The following CFAP54 variants were observed in gnomAD, a reference collection of about 807,000 sequenced individuals.
CFAP54 encodes the protein cilia and flagella associated protein 54, also known as cilia- and flagella-associated protein 54.
Under a neutral mutation model 370.4 loss-of-function variants are expected in CFAP54, and 290 were observed. The observed-to-expected ratio is 0.78, with a 90% CI of 0.71 to 0.86. The LOEUF (loss-of-function observed/expected upper bound fraction) is 0.86. Among genes scored for constraint, CFAP54 ranks in the 40% least tolerant of loss-of-function variants. The probability of loss-of-function intolerance (pLI) is 0.00; values close to 1 mark genes in which losing one functional copy is unlikely to be tolerated. For missense variants in CFAP54, 3,399 were observed against 3,528.7 expected, an observed-to-expected ratio of 0.96 and a Z score of 0.93; for synonymous variants, 1,206 against 1,236.5, an observed-to-expected ratio of 0.98 and a Z score of 0.52.
At chr12:96,859,418 TTTG>T (rs1959807986) in intron 66 of CFAP54, among the ~76,000 whole-genome samples, 2 of 151,806 alleles carry the variant, frequency 1.3e-5, no homozygotes, top group African/African-American at 2.4e-5. Context: ...TGTTTTGTTT[TTTG>T]TTTTTTTTTT....
Position 96,829,000 on chromosome 12 carries a change from C to T in CFAP54, c.9097-14C>T. 7.1e-7 allele frequency: 1 copy of T among 1,414,382 alleles called. No individual in the cohort carries two copies. The highest frequency in any genetic ancestry group is 2.0e-5 in the Admixed American group (1 of 49,278). The allele number at this position is 1,414,382 out of a possible 1,614,324, so 87.6% of individuals were successfully genotyped here. On this transcript the variant is annotated splice_polypyrimidine_tract_variant and intron_variant, in intron 65 of 67. Coordinates refer to ENST00000524981, the MANE Select transcript of CFAP54 (RefSeq NM_001306084.2). ...AATATCAACCTCACTGTATTACTAT[C>T]TTCTTATTTCTAGGACATGATTATT... is the stretch of plus-strand genomic sequence containing the variant.
chr12:96,867,378 C>A (rs1252417036), intron 67 of CFAP54, among the ~76,000 whole-genome samples: 1 of 152,170 alleles, frequency 6.6e-6, no homozygotes, highest in Non-Finnish European at 1.5e-5. Context: ...AAGCTCACAT[C>A]TGATCCAGCG....
chr12:96,744,100 C>T lies in CFAP54; in HGVS notation c.7638C>T (p.Ile2546=). The change falls in exon 55 of 68, where the codon ATC becomes ATT. Residue 2546 remains isoleucine (I), a synonymous_variant. Coordinates refer to ENST00000524981, the MANE Select transcript of CFAP54 (RefSeq NM_001306084.2). ...YANPLQPLKN[I]YLPHVMLLAK... ...ATCCATTACAGCCTTTGAAAAATAT[C>T]TATCTTCCCCATGTCATGTTATTGG... 1 of 1,609,824 alleles carries T rather than the reference C, an allele frequency of 6.2e-7. No homozygotes were observed. Among genetic ancestry groups the T allele is most frequent in the Non-Finnish European group, 8.5e-7 (1 of 1,176,862 alleles).
chr12:96,617,272 C>T (rs530300723), intron 26 of CFAP54, among the ~76,000 whole-genome samples: 7 of 152,084 alleles, frequency 4.6e-5, no homozygotes, highest in Middle Eastern at 3.4e-3. Context: ...GCCTGGAGCT[C>T]GGGAGATGTG....
chr12:96,787,230 T>A (rs916291903), intron 62 of CFAP54, among the ~76,000 whole-genome samples: 1 of 152,214 alleles, frequency 6.6e-6, no homozygotes, highest in African/African-American at 2.4e-5. Flanking sequence ...ATAAGAAAAC[T>A]AGACTGATAG....
chr12:96,518,976 C>T lies in CFAP54; in HGVS notation c.847C>T (p.Pro283Ser), dbSNP rs1955271861. ...WASMCMESLV[P>S]LLSLRYLTWR... ...CAGCATGTGTATGGAGTCCTTGGTC[C>T]CGCTCCTGTCACTCAGGTACTTGAC... Residue 283 changes from proline (P) to serine (S), a missense_variant, in exon 6 of 68, where the codon CCG (proline) becomes TCG (serine). By Grantham distance (74) the Pro-to-Ser change is moderately conservative. Coordinates refer to ENST00000524981, the MANE Select transcript of CFAP54 (RefSeq NM_001306084.2). 2.0e-6 allele frequency: 3 copies of T among 1,536,010 alleles called. No individual in the cohort carries two copies. The highest frequency in any genetic ancestry group is 2.6e-6 in the Non-Finnish European group (3 of 1,146,878).
chr12:96,652,698 C>G (rs10860059), intron 36 of CFAP54, among the ~76,000 whole-genome samples: 38,334 of 152,036 alleles, frequency 0.25, 5,577 homozygotes, highest in East Asian at 0.49. Context: ...AAAGGGTAGA[C>G]ATTGTCTGAC....
chr12:96,657,842 C>A, intron 36 of CFAP54, 40 bp from the exon 37 acceptor site: 2 of 1,328,294 alleles, frequency 1.5e-6, no homozygotes, highest in East Asian at 2.5e-5. Context: ...GCAGTAAAAT[C>A]TGAAATTACA....
At chr12:96,664,793 A>ATCTATATCTATATCTATATCTATC in intron 39 of CFAP54, among the ~76,000 whole-genome samples, 2 of 26,176 alleles carry the variant, frequency 7.6e-5, no homozygotes, top group South Asian at 2.1e-3. Context: ...ATATATATAT[A>ATCTATATCTATATCTATATCTATC]TATATATATA....
chr12:96,867,985 A>G (rs1361344242), intron 67 of CFAP54, among the ~76,000 whole-genome samples: 7 of 152,212 alleles, frequency 4.6e-5, no homozygotes, highest in African/African-American at 1.7e-4. Flanking sequence ...CAATGTATAT[A>G]TATTTCAGAA....
Position 96,830,844 on chromosome 12 carries a change from ATT to A in CFAP54, c.9171+1766_9171+1767del, listed in dbSNP as rs36009754. On this transcript the variant is annotated intron_variant, in intron 66 of 67. Transcript: ENST00000524981. ...CAGGCAAGCGCCCCATACCTGGCTA[ATT>A]TTTTTTTTTAGTAGCGATAGGGTTT... 5.4e-5 allele frequency among the ~76,000 whole-genome samples: 8 copies of A among 146,904 alleles called. 1 individual carries two copies. In the East Asian group the frequency reaches 5.9e-4, roughly 11 times the overall value.
chr12:96,618,751 TTC>T (rs764904824), intron 26 of CFAP54, among the ~76,000 whole-genome samples: 2 of 152,216 alleles, frequency 1.3e-5, no homozygotes, highest in African/African-American at 2.4e-5. Context: ...TGGATGAATT[TTC>T]TCTCTTAGCA....
chr12:96,804,414 A>G (rs572633817), intron 63 of CFAP54, among the ~76,000 whole-genome samples: 2 of 152,318 alleles, frequency 1.3e-5, no homozygotes, highest in Admixed American at 6.5e-5. Context: ...TCTTAGTTTG[A>G]TAGATGAATT....
intron 60 of CFAP54, among the ~76,000 whole-genome samples, chr12:96,772,206 T>C (rs1958469678): frequency 6.6e-6 from 1 of 152,184 alleles, no homozygotes; most frequent in South Asian, 2.1e-4. Flanking sequence ...AAACAATCAA[T>C]TATTACCAGT....
chr12:96,626,881 G>A lies in CFAP54; in HGVS notation c.4045G>A (p.Glu1349Lys), dbSNP rs1252078401. ...FTQVMLKCMN[E>K]EKFHLMVEVT... ...ACAAGTTATGCTAAAATGCATGAAT[G>A]AGGAAAAATTTCATCTTATGGTAGA... Residue 1349 changes from glutamate (E) to lysine (K), a missense_variant, in exon 30 of 68, where the codon GAG (glutamate) becomes AAG (lysine). Around this residue, in one of 3 missense-constraint regions of CFAP54, gnomAD observed 2,796 missense variants for 2,869.7 expected, o/e 0.97. Transcript: ENST00000524981. The A allele has an allele frequency of 7.0e-7, 1 of 1,432,232 alleles. No individual in the cohort carries two copies. Among genetic ancestry groups the A allele is most frequent in the Non-Finnish European group, 9.2e-7 (1 of 1,085,334 alleles). The allele number at this position is 1,432,232 out of a possible 1,614,324, so 88.7% of individuals were successfully genotyped here. A position where few individuals can be genotyped will look rare whatever the true frequency, so the allele number is the denominator to read the frequency against.
chr12:96,728,623 A>T (rs1289309053), intron 50 of CFAP54, among the ~76,000 whole-genome samples: 2 of 151,724 alleles, frequency 1.3e-5, no homozygotes, highest in Non-Finnish European at 2.9e-5. Context: ...TTGGTTTGAA[A>T]TTCCTCCTGT....
intron 5 of CFAP54, among the ~76,000 whole-genome samples, chr12:96,513,747 GA>G (rs928105276): frequency 6.7e-6 from 1 of 148,844 alleles, no homozygotes; most frequent in Non-Finnish European, 1.5e-5. Flanking sequence ...TGTCTCAAAT[GA>G]AAAAAAAATA....
chr12:96,800,764 G>A (rs1033991252), intron 63 of CFAP54, among the ~76,000 whole-genome samples: 2 of 152,178 alleles, frequency 1.3e-5, no homozygotes, highest in African/African-American at 4.8e-5. Context: ...AACTCACTAT[G>A]TTCAAAGCAC....
At chr12:96,862,224 G>GC (rs1328702927) in intron 67 of CFAP54, among the ~76,000 whole-genome samples, 4 of 152,170 alleles carry the variant, frequency 2.6e-5, no homozygotes, top group Non-Finnish European at 5.9e-5. Flanking sequence ...CTTTAGCAAA[G>GC]CATTTAAGGA....
Sources: allele counts gnomAD v4.1 joint callset (sites outside exome capture counted in the v4.1 genomes callset), GRCh38; gene constraint gnomAD v4.1.1; regional missense constraint gnomAD v4.1.1; transcripts MANE v1.5; gene names NCBI Gene and HGNC (gene_info 2026-07-23, HGNC 2026-07-21).